The following KIAA1217 variants were observed in gnomAD, a reference collection of about 807,000 sequenced individuals.
KIAA1217 encodes sickle tail protein homolog.
A neutral mutation model predicts 163.9 loss-of-function variants in KIAA1217; 88 were observed. That is an observed-to-expected ratio of 0.54 (90% confidence interval 0.45 to 0.64). The LOEUF (loss-of-function observed/expected upper bound fraction) is 0.64, where lower values mean the gene tolerates loss of function less well. Ranked by LOEUF, KIAA1217 falls within the 30% of genes least tolerant of loss-of-function variation. KIAA1217 has a pLI of 0.00. For missense variants in KIAA1217, 2,372 were observed against 2,475.0 expected, an observed-to-expected ratio of 0.96 and a Z score of 0.88; for synonymous variants, 903 against 923.1, an observed-to-expected ratio of 0.98 and a Z score of 0.39.
chr10:23,978,965 T>C (rs1845652600), intron 1 of KIAA1217, among the ~76,000 whole-genome samples: 1 of 152,120 alleles, frequency 6.6e-6, no homozygotes, highest in Non-Finnish European at 1.5e-5. Context: ...TTATTCCTAC[T>C]TGCATGTCAC....
At chr10:24,106,922 G>T (rs369327991) in intron 2 of KIAA1217, among the ~76,000 whole-genome samples, 9 of 152,224 alleles carry the variant, frequency 5.9e-5, no homozygotes, top group Admixed American at 5.2e-4. Flanking sequence ...ACATGTGCAG[G>T]TTTTTTACAT....
chr10:24,403,996 G>A (rs779064522), intron 3 of KIAA1217, among the ~76,000 whole-genome samples: 13 of 152,052 alleles, frequency 8.5e-5, no homozygotes, highest in South Asian at 2.1e-4. Flanking sequence ...TCCCTCTGTT[G>A]CCCAGGTTGG....
At chr10:24,305,729 G>A (rs751180209) in intron 2 of KIAA1217, among the ~76,000 whole-genome samples, 5 of 152,178 alleles carry the variant, frequency 3.3e-5, no homozygotes, top group Non-Finnish European at 1.5e-5. Flanking sequence ...TCTAGCATGA[G>A]GAGCAGGTGG....
At chr10:23,717,343 T>C (rs1188607598) in intron 1 of KIAA1217, among the ~76,000 whole-genome samples, 1 of 152,126 alleles carries the variant, frequency 6.6e-6, no homozygotes, top group Non-Finnish European at 1.5e-5. Context: ...GAGCTAATAA[T>C]TACTGAGCAC....
chr10:24,050,664 T>A (rs2131580989), intron 2 of KIAA1217, among the ~76,000 whole-genome samples: 1 of 152,338 alleles, frequency 6.6e-6, no homozygotes, highest in East Asian at 1.9e-4. Flanking sequence ...TTGGCTTATG[T>A]ATCTGTTTTG....
chr10:24,037,846 TTC>T (rs1220147933), intron 2 of KIAA1217, among the ~76,000 whole-genome samples: 1 of 152,204 alleles, frequency 6.6e-6, no homozygotes, highest in East Asian at 1.9e-4. Flanking sequence ...CTTCAAACTC[TTC>T]TCTTTCCTTT....
At chr10:23,862,644 A>T (rs989689299) in intron 1 of KIAA1217, among the ~76,000 whole-genome samples, 1 of 152,162 alleles carries the variant, frequency 6.6e-6, no homozygotes, top group South Asian at 2.1e-4. Flanking sequence ...TTCAGGTTGT[A>T]AAGATCCAAT....
At chr10:24,171,054 C>T (rs749567177) in intron 2 of KIAA1217, among the ~76,000 whole-genome samples, 2 of 152,172 alleles carry the variant, frequency 1.3e-5, no homozygotes, top group Non-Finnish European at 2.9e-5. Flanking sequence ...CATTGGGGAC[C>T]CCTAAAAGCT....
chr10:24,259,203 G>A (rs930918260), intron 2 of KIAA1217, among the ~76,000 whole-genome samples: 1 of 152,024 alleles, frequency 6.6e-6, no homozygotes, highest in Non-Finnish European at 1.5e-5. Context: ...ACTCAAGTAG[G>A]AAAGGGGAGC....
intron 1 of KIAA1217, among the ~76,000 whole-genome samples, chr10:23,726,133 A>T (rs1190481668): frequency 6.6e-6 from 1 of 152,070 alleles, no homozygotes; most frequent in Non-Finnish European, 1.5e-5. Flanking sequence ...TTTGAACTAA[A>T]TTTAACTTTC....
At chr10:24,322,153 C>T (rs1285070066) in intron 2 of KIAA1217, among the ~76,000 whole-genome samples, 1 of 151,976 alleles carries the variant, frequency 6.6e-6, no homozygotes, top group Non-Finnish European at 1.5e-5. Flanking sequence ...GGTGTTTTAC[C>T]ATGTTGGCCA....
At chr10:24,044,068 A>G (rs1848813591) in intron 2 of KIAA1217, among the ~76,000 whole-genome samples, 2 of 152,184 alleles carry the variant, frequency 1.3e-5, no homozygotes, top group Admixed American at 1.3e-4. Flanking sequence ...GAAGTATTCT[A>G]TGACAAGACA....
At chr10:24,259,186 C>T (rs559037541) in intron 2 of KIAA1217, among the ~76,000 whole-genome samples, 4 of 151,904 alleles carry the variant, frequency 2.6e-5, no homozygotes, top group South Asian at 2.1e-4. Flanking sequence ...TGTTTGTGAG[C>T]GTGTCTACTC....
At chr10:23,991,889 C>G (rs1647054749) in intron 1 of KIAA1217, among the ~76,000 whole-genome samples, 1 of 152,128 alleles carries the variant, frequency 6.6e-6, no homozygotes, top group Non-Finnish European at 1.5e-5. Context: ...TTTAGGAGAA[C>G]TTGACTACTA....
chr10:24,211,870 A>G (rs1045720078), intron 1 of KIAA1217, among the ~76,000 whole-genome samples: 2 of 151,936 alleles, frequency 1.3e-5, no homozygotes, highest in African/African-American at 4.8e-5. Context: ...CCTGGGCAGC[A>G]TAGTGAGACC....
chr10:23,943,040 G>A (rs941230080), intron 1 of KIAA1217, among the ~76,000 whole-genome samples: 4 of 151,938 alleles, frequency 2.6e-5, no homozygotes, highest in African/African-American at 4.8e-5. Context: ...TGGGAGAATT[G>A]CTTGAGTCTG....
intron 2 of KIAA1217, among the ~76,000 whole-genome samples, chr10:24,351,690 A>G (rs529688452): frequency 6.6e-6 from 1 of 152,274 alleles, no homozygotes; most frequent in South Asian, 2.1e-4. Flanking sequence ...TCTCTCCTCA[A>G]AAAAATGTTC....
intron 2 of KIAA1217, among the ~76,000 whole-genome samples, chr10:24,311,244 C>T (rs906279610): frequency 2.6e-5 from 4 of 152,140 alleles, no homozygotes; most frequent in Non-Finnish European, 5.9e-5. Flanking sequence ...CAGCCTGTGT[C>T]CTGTGACACC....
intron 1 of KIAA1217, among the ~76,000 whole-genome samples, chr10:23,842,266 T>C (rs192125583): frequency 2.1e-4 from 32 of 152,296 alleles, no homozygotes; most frequent in African/African-American, 7.0e-4. Context: ...AATAAATGGT[T>C]CTGCCAAAAA....
Sources: gnomAD v4.1 joint callset for allele counts (sites outside exome capture counted in the v4.1 genomes callset) on GRCh38, gnomAD v4.1.1 for gene constraint, MANE v1.5 for transcripts, NCBI Gene and HGNC (gene_info 2026-07-23, HGNC 2026-07-21) for gene names.